The following FHIT variants were observed in gnomAD, a reference collection of about 807,000 sequenced individuals.
FHIT encodes fragile histidine triad diadenosine triphosphatase, also known as bis(5'-adenosyl)-triphosphatase.
In FHIT, 19 loss-of-function variants were observed where a neutral mutation model predicts 17.9. The ratio of observed to expected loss-of-function variants is 1.06; its 90% CI spans 0.74 to 1.56. The LOEUF is 1.56. Ranked by LOEUF, FHIT falls within the 40% of genes most tolerant of loss-of-function variation. The probability of loss-of-function intolerance (pLI) is 0.00; values close to 1 mark genes in which losing one functional copy is unlikely to be tolerated. For synonymous variants in FHIT, 81 were observed against 69.7 expected, an observed-to-expected ratio of 1.16 and a Z score of -0.81; for missense variants, 248 against 189.2, an observed-to-expected ratio of 1.31 and a Z score of -1.82.
At chr3:60,739,690 G>A (rs1335296018) in intron 4 of FHIT, among the ~76,000 whole-genome samples, 1 of 152,142 alleles carries the variant, frequency 6.6e-6, no homozygotes, top group Non-Finnish European at 1.5e-5. Flanking sequence ...TCCAGACATT[G>A]CCATATGTCT....
chr3:60,795,181 G>A (rs115795525), intron 4 of FHIT, among the ~76,000 whole-genome samples: 2,803 of 152,074 alleles, frequency 0.018, 91 homozygotes, highest in African/African-American at 0.064. Flanking sequence ...CCTATCTGAT[G>A]ACTTCACAGT....
intron 4 of FHIT, among the ~76,000 whole-genome samples, chr3:60,798,239 C>T (rs9682644): frequency 1.3e-5 from 2 of 152,102 alleles, no homozygotes; most frequent in Non-Finnish European, 2.9e-5. Flanking sequence ...AAAAAAAAAC[C>T]ACCTTGATTA....
At chr3:60,654,598 A>T (rs2040072968) in intron 4 of FHIT, among the ~76,000 whole-genome samples, 1 of 152,166 alleles carries the variant, frequency 6.6e-6, no homozygotes, top group Admixed American at 6.5e-5. Flanking sequence ...TATAAGAAAA[A>T]CTTGAAATAT....
chr3:60,388,253 A>G (rs1283427197), intron 5 of FHIT, among the ~76,000 whole-genome samples: 5 of 152,110 alleles, frequency 3.3e-5, no homozygotes, highest in Admixed American at 1.3e-4. Context: ...ATGATGAATA[A>G]CTCACCTCAA....
rs1446338512 is a variant in FHIT, at chr3:60,153,370, A to G, written c.104-139218T>C. Among the ~76,000 whole-genome samples, 9 of 147,478 alleles carry G rather than the reference A, an allele frequency of 6.1e-5. No individual in the cohort carries two copies. The South Asian group carries it at 6.4e-4, about 10-fold the overall frequency. ...TTTCACTCACAATTCACCAGAAAAA[A>G]AAAAAAAAAAAAAAAAGAGGAGGTG... On this transcript the variant is annotated intron_variant, in intron 5 of 9. Coordinates refer to ENST00000492590, the MANE Select transcript of FHIT (RefSeq NM_002012.4).
intron 5 of FHIT, among the ~76,000 whole-genome samples, chr3:60,246,617 C>T (rs1309746418): frequency 2.0e-5 from 3 of 152,066 alleles, no homozygotes; most frequent in South Asian, 2.1e-4. Context: ...AGGGTGAGAG[C>T]GTAACTGTCT....
At chr3:59,892,736 T>G (rs1191738457) in intron 8 of FHIT, among the ~76,000 whole-genome samples, 1 of 152,152 alleles carries the variant, frequency 6.6e-6, no homozygotes, top group Non-Finnish European at 1.5e-5. Context: ...AAAAATATAA[T>G]TTAGATGGGG....
Position 60,011,395 on chromosome 3 carries a change from G to T in FHIT, c.255C>A (p.Gly85=). Residue 85 remains glycine (G), a synonymous_variant, in exon 7 of 10, where the codon GGC becomes GGA. Transcript: ENST00000492590. ...CCTTCACAGTCTGTCCGGCTTCGGG[G>T]CCATCCTAGAAGTAGGAAAAAACCA... ...GTSLTFSMQD[G]PEAGQTVKHV... is the part of the protein sequence containing the mutation. The T allele has an allele frequency of 1.2e-6, 2 of 1,613,452 alleles. No individual in the cohort carries two copies. Among genetic ancestry groups the T allele is most frequent in the Non-Finnish European group, 1.7e-6 (2 of 1,179,504 alleles).
intron 8 of FHIT, among the ~76,000 whole-genome samples, chr3:59,752,551 GTGA>G (rs1336071107): frequency 1.3e-5 from 2 of 152,090 alleles, no homozygotes; most frequent in African/African-American, 4.8e-5. Flanking sequence ...GCTGAGGGGG[GTGA>G]TGATATGATA....
intron 4 of FHIT, among the ~76,000 whole-genome samples, chr3:60,785,934 C>CACACACACAGAGAGAGAG (rs139392863): frequency 7.3e-6 from 1 of 137,890 alleles, no homozygotes. Flanking sequence ...CACACACACA[C>CACACACACAGAGAGAGAG]AGAGAGAGTA....
At chr3:60,037,771 T>G (rs1701279501) in intron 5 of FHIT, among the ~76,000 whole-genome samples, 1 of 151,520 alleles carries the variant, frequency 6.6e-6, no homozygotes, top group Admixed American at 6.6e-5. Context: ...TGGAGTGCAG[T>G]GACATGATCT....
chr3:60,076,802 GA>G (rs11293601), intron 5 of FHIT, among the ~76,000 whole-genome samples: 100,971 of 151,040 alleles, frequency 0.67, 34,648 homozygotes, highest in Middle Eastern at 0.79. Context: ...TGATAAATAA[GA>G]AAAAAAAACC....
intron 7 of FHIT, among the ~76,000 whole-genome samples, chr3:59,931,813 A>G (rs1014416458): frequency 6.6e-6 from 1 of 152,126 alleles, no homozygotes; most frequent in Non-Finnish European, 1.5e-5. Context: ...ATAATATATC[A>G]TAAGAGGGAT....
chr3:60,025,351 CAACT>C (rs1246690546), intron 5 of FHIT, among the ~76,000 whole-genome samples: 8 of 152,216 alleles, frequency 5.3e-5, no homozygotes, highest in African/African-American at 1.9e-4. Flanking sequence ...CTCCTGACCC[CAACT>C]AAGATAAGAA....
At chr3:60,403,306 T>A (rs897634478) in intron 5 of FHIT, among the ~76,000 whole-genome samples, 2 of 152,176 alleles carry the variant, frequency 1.3e-5, no homozygotes, top group Non-Finnish European at 2.9e-5. Context: ...GGTGCTTGGA[T>A]TTCCTTTCAA....
Position 60,240,615 on chromosome 3 carries a change from C to A in FHIT, c.104-226463G>T, listed in dbSNP as rs140748694. On this transcript the variant is annotated intron_variant, in intron 5 of 9. Coordinates refer to ENST00000492590, the MANE Select transcript of FHIT (RefSeq NM_002012.4). ...AATATAATTTCGTTTTTATACAATT[C>A]AAATGCTATAGAACAAAGAAAGAGA... Among the ~76,000 whole-genome samples, 71 of 152,214 alleles carry A rather than the reference C, an allele frequency of 4.7e-4. No homozygotes were observed. In the East Asian group the frequency reaches 0.012, roughly 26 times the overall value.
At chr3:60,770,019 A>C (rs1699988017) in intron 4 of FHIT, among the ~76,000 whole-genome samples, 1 of 152,164 alleles carries the variant, frequency 6.6e-6, no homozygotes, top group South Asian at 2.1e-4. Flanking sequence ...ATTAGTCTTG[A>C]TTATCAGTTG....
At chr3:60,015,977 T>C (rs994700681) in intron 5 of FHIT, among the ~76,000 whole-genome samples, 1 of 152,234 alleles carries the variant, frequency 6.6e-6, no homozygotes, top group Non-Finnish European at 1.5e-5. Flanking sequence ...GTAATTCTAA[T>C]GCCACTTTTT....
chr3:60,234,619 T>C (rs978713991), intron 5 of FHIT, among the ~76,000 whole-genome samples: 1 of 152,216 alleles, frequency 6.6e-6, no homozygotes, highest in Non-Finnish European at 1.5e-5. Flanking sequence ...TGTTAAACCA[T>C]GTCAGCATAA....
Sources: allele counts gnomAD v4.1 joint callset (sites outside exome capture counted in the v4.1 genomes callset), GRCh38; gene constraint gnomAD v4.1.1; transcripts MANE v1.5; gene names NCBI Gene and HGNC (gene_info 2026-07-23, HGNC 2026-07-21).